TBC1D5: variants seen among roughly 807,000 people sequenced by gnomAD.
The protein encoded by TBC1D5 is TBC1 domain family, member 5.
Under a neutral mutation model 100.3 loss-of-function variants are expected in TBC1D5, and 75 were observed. That is an observed-to-expected ratio of 0.75 (90% CI 0.62 to 0.91). TBC1D5 has a LOEUF of 0.91. TBC1D5 is among the 40% of genes least tolerant of loss of function. The pLI is 0.00. For synonymous variants in TBC1D5, 323 were observed against 325.6 expected (o/e 0.99, Z 0.09); for missense variants, 910 against 942.4 (o/e 0.97, Z 0.45).
chr3:17,462,562 C>T (rs1290264909), intron 3 of TBC1D5, among the ~76,000 whole-genome samples: 1 of 152,078 alleles, frequency 6.6e-6, no homozygotes, highest in Non-Finnish European at 1.5e-5. Context: ...CTCAAACAAT[C>T]CTCCCGCCTC....
intron 18 of TBC1D5, among the ~76,000 whole-genome samples, chr3:17,211,801 T>C (rs1453924378): frequency 2.6e-5 from 4 of 152,228 alleles, no homozygotes; most frequent in Non-Finnish European, 5.9e-5. Flanking sequence ...AGTGGAATTT[T>C]AGGAGGGAAC....
At chr3:17,183,445 G>A (rs2068672816) in intron 19 of TBC1D5, among the ~76,000 whole-genome samples, 1 of 152,140 alleles carries the variant, frequency 6.6e-6, no homozygotes, top group South Asian at 2.1e-4. Flanking sequence ...CTTGGTTATA[G>A]GTCTATATGA....
intron 2 of TBC1D5, among the ~76,000 whole-genome samples, chr3:17,561,683 T>C (rs1348523642): frequency 2.0e-5 from 3 of 152,098 alleles, no homozygotes; most frequent in Non-Finnish European, 4.4e-5. Context: ...CCAACGAATT[T>C]GAAGACCTAA....
intron 3 of TBC1D5, among the ~76,000 whole-genome samples, chr3:17,502,411 G>C (rs1186228168): frequency 6.7e-6 from 1 of 149,190 alleles, no homozygotes; most frequent in African/African-American, 2.6e-5. Flanking sequence ...ACACCATCCT[G>C]GTTTTCCTTC....
At chr3:17,484,743 C>T (rs985398455) in intron 3 of TBC1D5, among the ~76,000 whole-genome samples, 1 of 151,928 alleles carries the variant, frequency 6.6e-6, no homozygotes, top group African/African-American at 2.4e-5. Flanking sequence ...CTCAGCTTCC[C>T]AAAATAGTAG....
At chr3:17,238,457 A>G in intron 16 of TBC1D5, 38 bp from the exon 17 acceptor site, 6 of 1,581,908 alleles carry the variant, frequency 3.8e-6, no homozygotes, top group Non-Finnish European at 5.2e-6. Context: ...TATTTACATT[A>G]GAGGATGATT....
intron 17 of TBC1D5, among the ~76,000 whole-genome samples, chr3:17,216,500 T>A (rs2073649449): frequency 6.6e-6 from 1 of 152,148 alleles, no homozygotes; most frequent in Non-Finnish European, 1.5e-5. Flanking sequence ...GTCTGCTTCC[T>A]GAAGAATCCA....
chr3:17,360,669 T>A (rs937463567), intron 13 of TBC1D5, among the ~76,000 whole-genome samples: 1 of 151,998 alleles, frequency 6.6e-6, no homozygotes, highest in Non-Finnish European at 1.5e-5. Flanking sequence ...GAAATATGCA[T>A]AGCAATCTTT....
Position 17,238,417 on chromosome 3 carries a change from GT to G in TBC1D5, c.1333del (p.Thr445ProfsTer8). 1 of 1,603,446 alleles carries G rather than the reference GT, an allele frequency of 6.2e-7. No individual in the cohort carries two copies. Among genetic ancestry groups the G allele is most frequent in the Non-Finnish European group, 8.5e-7 (1 of 1,174,864 alleles). Reference sequence around the variant, plus strand: ...ATTCAGGGGAGCACCTTTGGCATTGGTCCTGTTAAAAAAAGAAATGGAGAAG... The same window carrying G: ...ATTCAGGGGAGCACCTTTGGCATTGGCCTGTTAAAAAAAGAAATGGAGAAG... On this transcript the variant is annotated frameshift_variant and splice_region_variant, in exon 17 of 22. Transcript: ENST00000253692. LOFTEE classifies it high-confidence loss of function.
At chr3:17,427,713 T>C (rs2094365152) in intron 4 of TBC1D5, among the ~76,000 whole-genome samples, 1 of 152,070 alleles carries the variant, frequency 6.6e-6, no homozygotes, top group Non-Finnish European at 1.5e-5. Flanking sequence ...TGTATTATTA[T>C]TGAATTTGCA....
At chr3:17,179,875 G>A (rs2068241065) in intron 19 of TBC1D5, among the ~76,000 whole-genome samples, 1 of 152,210 alleles carries the variant, frequency 6.6e-6, no homozygotes, top group Non-Finnish European at 1.5e-5. Flanking sequence ...TCCATTGGGA[G>A]CAGGAGGGTA....
chr3:17,588,121 T>A (rs1363942169), intron 2 of TBC1D5, among the ~76,000 whole-genome samples: 3 of 152,082 alleles, frequency 2.0e-5, no homozygotes, highest in Non-Finnish European at 4.4e-5. Flanking sequence ...ATACATACTT[T>A]AGACCAATTT....
intron 8 of TBC1D5, among the ~76,000 whole-genome samples, chr3:17,392,288 T>C (rs1243559730): frequency 2.0e-5 from 3 of 152,222 alleles, no homozygotes; most frequent in African/African-American, 2.4e-5. Context: ...GGTTGTAATA[T>C]TGGTGCAGAA....
chr3:17,600,027 G>A (rs917664789), intron 2 of TBC1D5, among the ~76,000 whole-genome samples: 3 of 152,134 alleles, frequency 2.0e-5, no homozygotes, highest in South Asian at 4.1e-4. Context: ...CTTTTATAAC[G>A]GTAAATAATT....
At chr3:17,736,552 T>A (rs1250039373) in intron 1 of TBC1D5, among the ~76,000 whole-genome samples, 1 of 152,154 alleles carries the variant, frequency 6.6e-6, no homozygotes, top group African/African-American at 2.4e-5. Context: ...CCATCTCCTA[T>A]CAACTCCACG....
chr3:17,740,403 G>C (rs569634675), exon 1 of TBC1D5: 50 of 151,586 alleles, frequency 3.3e-4, no homozygotes, highest in African/African-American at 1.1e-3. Flanking sequence ...AAGCGCTTCA[G>C]AAGTACTGTC....
Position 17,703,914 on chromosome 3 carries a change from GTTT to G in TBC1D5, c.-101+35426_-101+35428del, listed in dbSNP as rs58614671. Among the ~76,000 whole-genome samples, 467 of 141,888 alleles carry G rather than the reference GTTT, an allele frequency of 3.3e-3. 5 individuals are homozygous for G. Among genetic ancestry groups the G allele is most frequent in the African/African-American group, 0.012 (442 of 37,874 alleles). 93.1% of individuals were successfully genotyped at this position (141,888 alleles called of 152,430 possible). Reference sequence around the variant, plus strand: ...ACATTGATATTTGTGTTTTTTTTTTGTTTTTTTTTTTTTAATTTATTTTTTTAT... The same window carrying G: ...ACATTGATATTTGTGTTTTTTTTTTGTTTTTTTTTTAATTTATTTTTTTAT... On this transcript the variant is annotated intron_variant, in intron 1 of 21. Transcript: ENST00000253692.
intron 3 of TBC1D5, among the ~76,000 whole-genome samples, chr3:17,474,236 GGCAAATATTTTTCTAGAATATAAAC>G (rs2095412738): frequency 1.3e-5 from 2 of 152,078 alleles, no homozygotes; most frequent in Non-Finnish European, 2.9e-5. Context: ...CAGTTACACT[GGCAAATATTTTTCTAGAATATAAAC>G]TACTTACTCA....
intron 13 of TBC1D5, among the ~76,000 whole-genome samples, chr3:17,329,919 C>T (rs569112291): frequency 6.6e-6 from 1 of 152,310 alleles, no homozygotes; most frequent in Admixed American, 6.5e-5. Flanking sequence ...TGGGCTACAA[C>T]TAAAAAGCAT....
Sources: gnomAD v4.1 joint callset for allele counts (sites outside exome capture counted in the v4.1 genomes callset) on GRCh38, gnomAD v4.1.1 for gene constraint, MANE v1.5 for transcripts, NCBI Gene and HGNC (gene_info 2026-07-23, HGNC 2026-07-21) for gene names.